The following ATXN3 variants were observed in gnomAD, a reference collection of about 807,000 sequenced individuals.
ATXN3 encodes the protein ataxin 3, also known as ataxin-3.
ATXN3 carries 28 observed loss-of-function variants against 58.2 expected under a neutral mutation model. The observed-to-expected ratio is 0.48, with a 90% confidence interval of 0.36 to 0.66. ATXN3 has a LOEUF of 0.66. Among genes scored for constraint, ATXN3 ranks in the 30% least tolerant of loss-of-function variants. The probability of loss-of-function intolerance (pLI) is 0.00; values close to 1 mark genes in which losing one functional copy is unlikely to be tolerated. For missense variants in ATXN3, 321 were observed against 422.1 expected (o/e 0.76, Z 2.10); for synonymous variants, 113 against 138.5 (o/e 0.82, Z 1.29).
chr14:92,099,095 T>C (rs1293329753), intron 1 of ATXN3, among the ~76,000 whole-genome samples: 1 of 152,180 alleles, frequency 6.6e-6, no homozygotes, highest in Non-Finnish European at 1.5e-5. Context: ...CCTCCCTGAA[T>C]TGACGGCAGA....
rs1005312269 is a variant in ATXN3, at chr14:92,071,600, A to C, written c.873-547T>G. 14 of 277,240 alleles carry C rather than the reference A, an allele frequency of 5.0e-5. No homozygotes were observed. The South Asian group carries it at 5.2e-4, about 10-fold the overall frequency. 17.2% of individuals were successfully genotyped at this position (277,240 alleles called of 1,614,324 possible). A position where few individuals can be genotyped will look rare whatever the true frequency, so the allele number is the denominator to read the frequency against. On this transcript the variant is annotated intron_variant, in intron 9 of 10. Transcript: ENST00000644486. ...CGACAGAGCGAGACTCTGTCTCAAAAAAACAACAAACAAAAAACCTATCAT... is the reference window on the plus strand; with the variant it reads ...CGACAGAGCGAGACTCTGTCTCAAACAAACAACAAACAAAAAACCTATCAT...
chr14:92,072,415 T>C (rs1381148114), intron 9 of ATXN3, among the ~76,000 whole-genome samples: 1 of 152,150 alleles, frequency 6.6e-6, no homozygotes, highest in Non-Finnish European at 1.5e-5. Context: ...GAAATCCAAA[T>C]GCTCCAAAAT....
rs2141065077 is a variant in ATXN3 at position 92,093,769 on chromosome 14, A to G, written c.297T>C (p.Tyr99=). 1.9e-6 allele frequency: 3 copies of G among 1,611,118 alleles called. No individual in the cohort carries two copies. The East Asian group carries it at 6.7e-5, about 36-fold the overall frequency. Residue 99 remains tyrosine (Y), a synonymous_variant, in exon 4 of 11, where the codon TAT becomes TAC. Coordinates refer to ENST00000644486, the MANE Select transcript of ATXN3 (RefSeq NM_004993.6). ...LELILFNSPE[Y]QRLRIDPINE... ...ACATAGGATCGATCCTGAGCCTCTG[A>G]TACTCTGGACTGTTGAACAGGATTA...
At chr14:92,069,540 T>G (rs1338250693) in intron 10 of ATXN3, among the ~76,000 whole-genome samples, 1 of 151,792 alleles carries the variant, frequency 6.6e-6, no homozygotes, top group African/African-American at 2.4e-5. Flanking sequence ...GCCTGGCTAA[T>G]TTTTGTATTT....
intron 5 of ATXN3, among the ~76,000 whole-genome samples, chr14:92,092,125 C>T (rs2063979127): frequency 6.6e-6 from 1 of 152,162 alleles, no homozygotes; most frequent in South Asian, 2.1e-4. Context: ...TCCTCCATAG[C>T]CTTCTCGTCC....
At chr14:92,089,021 CTTT>C (rs397942802) in intron 5 of ATXN3, among the ~76,000 whole-genome samples, 1 of 144,558 alleles carries the variant, frequency 6.9e-6, no homozygotes. Context: ...CTATTAAATA[CTTT>C]TTTTTTTTTT....
At chr14:92,076,935 G>A (rs55893083) in intron 9 of ATXN3, among the ~76,000 whole-genome samples, 2,967 of 65,294 alleles carry the variant, frequency 0.045, 70 homozygotes, top group East Asian at 0.19. Flanking sequence ...GTGAGATTTC[G>A]TCTCAAAAAA....
At chr14:92,086,146 G>A (rs1176957130) in intron 6 of ATXN3, among the ~76,000 whole-genome samples, 1 of 151,292 alleles carries the variant, frequency 6.6e-6, no homozygotes, top group Non-Finnish European at 1.5e-5. Flanking sequence ...GGTGACTCAC[G>A]CCTGTAATCC....
downstream of ATXN3, among the ~76,000 whole-genome samples, chr14:92,053,552 A>G (rs886142164): frequency 6.8e-5 from 10 of 146,470 alleles, no homozygotes; most frequent in African/African-American, 2.5e-4. Context: ...GCTGGAGTGC[A>G]GTGGTGCGAT....
chr14:92,083,049 A>G, intron 7 of ATXN3, 77 bp downstream of exon 7: 1 of 1,504,610 alleles, frequency 6.6e-7, no homozygotes. Context: ...AGGACCACAT[A>G]TTCAATCTAA....
chr14:92,050,303 G>A (rs2057443710), upstream of ATXN3: 1 of 152,084 alleles, frequency 6.6e-6, no homozygotes, highest in Non-Finnish European at 1.5e-5. Flanking sequence ...TTTTGCATAT[G>A]TTTGAAATTT....
At chr14:92,067,904 C>T (rs1366097247) in intron 10 of ATXN3, among the ~76,000 whole-genome samples, 3 of 152,146 alleles carry the variant, frequency 2.0e-5, no homozygotes, top group Non-Finnish European at 4.4e-5. Context: ...ATGGGGATTA[C>T]TGCTGAACGC....
At chr14:92,066,638 C>T (rs550539467) in intron 10 of ATXN3, among the ~76,000 whole-genome samples, 67 of 134,012 alleles carry the variant, frequency 5.0e-4, no homozygotes, top group African/African-American at 1.8e-3. Context: ...GACAAGGTCT[C>T]GCTCTGTCAC....
chr14:92,085,572 G>A (rs1188660436), intron 6 of ATXN3, among the ~76,000 whole-genome samples: 2 of 152,106 alleles, frequency 1.3e-5, no homozygotes, highest in African/African-American at 2.4e-5. Context: ...GCCTTACACT[G>A]GTTAAGAAGC....
At chr14:92,079,185 CAA>C (rs35515547) in intron 9 of ATXN3, among the ~76,000 whole-genome samples, 6 of 77,054 alleles carry the variant, frequency 7.8e-5, no homozygotes, top group Non-Finnish European at 1.5e-4. Context: ...GACTCCATCT[CAA>C]AAAAAAAAAA....
At chr14:92,084,498 G>A (rs529456177) in intron 6 of ATXN3, among the ~76,000 whole-genome samples, 2 of 152,112 alleles carry the variant, frequency 1.3e-5, no homozygotes, top group South Asian at 4.1e-4. Flanking sequence ...GTTTCCCCAA[G>A]CTAGATGCTA....
intron 1 of ATXN3, among the ~76,000 whole-genome samples, chr14:92,102,052 C>A (rs1213215055): frequency 6.6e-6 from 1 of 151,938 alleles, no homozygotes. Flanking sequence ...ACTCGGGAGG[C>A]TGAGGCAGGA....
At chr14:92,055,902 C>T (rs950197653), downstream of ATXN3, among the ~76,000 whole-genome samples, 9 of 152,036 alleles carry the variant, frequency 5.9e-5, no homozygotes, top group African/African-American at 1.2e-4. This position sits in a 1 kb window ranked among gnomAD's most constrained non-coding sequence, Gnocchi z 4.5. Context: ...CAGAGGTTGC[C>T]GTGAGCCAAG....
intron 10 of ATXN3, among the ~76,000 whole-genome samples, chr14:92,070,350 C>A (rs7153193): frequency 0.29 from 43,810 of 152,020 alleles, 6,729 homozygotes; most frequent in East Asian, 0.44. Context: ...GAGGCCGAGG[C>A]GGGCGGATCA....
Sources: allele counts gnomAD v4.1 joint callset (sites outside exome capture counted in the v4.1 genomes callset), GRCh38; gene constraint gnomAD v4.1.1; non-coding constraint Gnocchi (gnomAD v3.1); transcripts MANE v1.5; gene names NCBI Gene and HGNC (gene_info 2026-07-23, HGNC 2026-07-21).